The following HESX1 variants were observed in gnomAD, a reference collection of about 807,000 sequenced individuals.
HESX1 encodes the protein HESX homeobox 1.
In HESX1, 11 loss-of-function variants were observed where a neutral mutation model predicts 22.5. The observed-to-expected ratio is 0.49, with a 90% CI of 0.31 to 0.81. The LOEUF (loss-of-function observed/expected upper bound fraction) is 0.81, where lower values mean the gene tolerates loss of function less well. HESX1 is among the 30% of genes least tolerant of loss of function. The probability of loss-of-function intolerance (pLI) is 0.05; values close to 1 mark genes in which losing one functional copy is unlikely to be tolerated. For missense variants in HESX1, 201 were observed against 212.6 expected, an observed-to-expected ratio of 0.95 and a Z score of 0.34; for synonymous variants, 74 against 76.5, an observed-to-expected ratio of 0.97 and a Z score of 0.17.
chr3:57,223,420 A>G (rs1417421108), intron 1 of HESX1, among the ~76,000 whole-genome samples: 1 of 152,150 alleles, frequency 6.6e-6, no homozygotes, highest in African/African-American at 2.4e-5. Context: ...AAGAAAGTTG[A>G]AGCTGCAGAA....
intron 1 of HESX1, among the ~76,000 whole-genome samples, chr3:57,211,474 G>A (rs1242767548): frequency 7.8e-6 from 1 of 128,046 alleles, no homozygotes; most frequent in African/African-American, 3.0e-5. Flanking sequence ...AGGCTGCAAT[G>A]AACTGTGATC....
upstream of HESX1, among the ~76,000 whole-genome samples, chr3:57,202,706 G>A (rs954516758): frequency 2.6e-5 from 4 of 152,142 alleles, no homozygotes; most frequent in East Asian, 1.9e-4. Flanking sequence ...GATCAGTGAC[G>A]AACAAAACAT....
intron 1 of HESX1, among the ~76,000 whole-genome samples, chr3:57,216,420 A>G (rs1003821617): frequency 6.6e-6 from 1 of 152,134 alleles, no homozygotes; most frequent in African/African-American, 2.4e-5. Flanking sequence ...GTTAGAGATC[A>G]GCCTGGTAAG....
intron 1 of HESX1, among the ~76,000 whole-genome samples, chr3:57,210,644 A>G (rs1329259202): frequency 2.0e-5 from 3 of 152,240 alleles, no homozygotes; most frequent in Non-Finnish European, 2.9e-5. Flanking sequence ...TAGACATTCA[A>G]TAAAATTTGT....
At chr3:57,213,823 AG>A (rs139379288) in intron 1 of HESX1, among the ~76,000 whole-genome samples, 10,716 of 152,164 alleles carry the variant, frequency 0.07, 1,262 homozygotes, top group African/African-American at 0.24. Context: ...AGGGAGGCTG[AG>A]TCAGGAGAAT....
At chr3:57,200,601 AG>A (rs755421416), upstream of HESX1, among the ~76,000 whole-genome samples, 23 of 152,346 alleles carry the variant, frequency 1.5e-4, no homozygotes, top group Middle Eastern at 3.4e-3. Context: ...ATTAATTCAT[AG>A]GAACAGTTGC....
At chr3:57,225,938 T>A (rs1468825599) in intron 1 of HESX1, among the ~76,000 whole-genome samples, 1 of 149,268 alleles carries the variant, frequency 6.7e-6, no homozygotes, top group African/African-American at 2.5e-5. Context: ...CGGAGCGCAG[T>A]GGTATGATCT....
upstream of HESX1, among the ~76,000 whole-genome samples, chr3:57,202,249 G>A (rs1333119666): frequency 6.6e-6 from 1 of 152,076 alleles, no homozygotes; most frequent in Non-Finnish European, 1.5e-5. Context: ...ATATATGGAT[G>A]AGTAGTTGAA....
At chr3:57,226,901 G>A (rs931848472), upstream of HESX1, among the ~76,000 whole-genome samples, 1 of 152,186 alleles carries the variant, frequency 6.6e-6, no homozygotes, top group Non-Finnish European at 1.5e-5. Flanking sequence ...AGAGGGAGGA[G>A]GAAAGGATAG....
At chr3:57,203,730 T>C (rs1463458546), upstream of HESX1, among the ~76,000 whole-genome samples, 2 of 152,104 alleles carry the variant, frequency 1.3e-5, no homozygotes, top group African/African-American at 4.8e-5. Flanking sequence ...AATTTTTGTA[T>C]TTTTAGTAGA....
At chr3:57,218,439 CTTTTTTTTTTTT>C (rs60734023) in intron 1 of HESX1, among the ~76,000 whole-genome samples, 4 of 102,274 alleles carry the variant, frequency 3.9e-5, no homozygotes, top group Non-Finnish European at 7.7e-5. Flanking sequence ...TGATCTCATT[CTTTTTTTTTTTT>C]TTTTTTTTTT....
chr3:57,223,714 G>A (rs1017758354), intron 1 of HESX1, among the ~76,000 whole-genome samples: 3 of 152,098 alleles, frequency 2.0e-5, no homozygotes, highest in Non-Finnish European at 2.9e-5. Context: ...TCCTGAATCT[G>A]CTTTATCTCA....
chr3:57,198,469 A>G lies in HESX1; in HGVS notation c.381T>C (p.Phe127=). The G allele has an allele frequency of 6.3e-7, 1 of 1,599,296 alleles. No homozygotes were observed. The highest frequency in any genetic ancestry group is 8.6e-7 in the Non-Finnish European group (1 of 1,168,130). The change falls in exon 3 of 4, where the codon TTT becomes TTC. Residue 127 remains phenylalanine (F), a synonymous_variant. Coordinates refer to ENST00000295934, the MANE Select transcript of HESX1 (RefSeq NM_003865.3). ...QNQIEVLENV[F]RVNCYPGIDI... Reference sequence around the variant, plus strand: ...CGATACCAGGATAGCAGTTTACTCTAAAGACATTTTCTAACACTTCAATCT... The same window carrying G: ...CGATACCAGGATAGCAGTTTACTCTGAAGACATTTTCTAACACTTCAATCT...
chr3:57,209,935 A>T (rs2060543397), intron 1 of HESX1, among the ~76,000 whole-genome samples: 1 of 152,220 alleles, frequency 6.6e-6, no homozygotes, highest in African/African-American at 2.4e-5. Context: ...CTGAGAAAAC[A>T]GAAATTGAGA....
At chr3:57,211,733 T>A (rs1395790459) in intron 1 of HESX1, among the ~76,000 whole-genome samples, 1 of 150,900 alleles carries the variant, frequency 6.6e-6, no homozygotes, top group Non-Finnish European at 1.5e-5. Context: ...CTGGGGAGGA[T>A]GAGGTAGGAG....
At chr3:57,200,057 C>G, upstream of HESX1, 8 of 739,368 alleles carry the variant, frequency 1.1e-5, 1 homozygote, top group South Asian at 1.2e-4. Flanking sequence ...TAATTAAAAT[C>G]CTGTCTTAGA....
intron 1 of HESX1, among the ~76,000 whole-genome samples, chr3:57,205,797 A>C (rs2060516676): frequency 6.6e-6 from 1 of 152,164 alleles, no homozygotes; most frequent in South Asian, 2.1e-4. Context: ...CACAGCACTT[A>C]ACCACCTTTG....
intron 1 of HESX1, among the ~76,000 whole-genome samples, chr3:57,221,819 C>T (rs2060617473): frequency 6.6e-6 from 1 of 152,006 alleles, no homozygotes; most frequent in Non-Finnish European, 1.5e-5. Context: ...ATTGTCAAGG[C>T]TGGTCTTGAA....
intron 1 of HESX1, among the ~76,000 whole-genome samples, chr3:57,205,133 G>C (rs1203247484): frequency 1.3e-5 from 2 of 152,172 alleles, no homozygotes; most frequent in African/African-American, 4.8e-5. Context: ...TCCTGGCTGG[G>C]CATGGTGGCT....
Sources: gnomAD v4.1 joint callset for allele counts (sites outside exome capture counted in the v4.1 genomes callset) on GRCh38, gnomAD v4.1.1 for gene constraint, MANE v1.5 for transcripts, NCBI Gene and HGNC (gene_info 2026-07-23, HGNC 2026-07-21) for gene names.